Variants in NEK10 observed in about 807,000 individuals in gnomAD.
The protein encoded by NEK10 is NIMA related kinase 10.
NEK10 carries 122 observed loss-of-function variants against 159.8 expected under a neutral mutation model. The ratio of observed to expected loss-of-function variants is 0.76; its 90% CI spans 0.66 to 0.89. NEK10 has a LOEUF of 0.89. NEK10 is among the 40% of genes least tolerant of loss of function. The pLI, the probability that NEK10 is intolerant of heterozygous loss-of-function variation, is 0.00. For missense variants in NEK10, 1,342 were observed against 1,323.1 expected (o/e 1.01, Z -0.22); for synonymous variants, 466 against 457.1 (o/e 1.02, Z -0.25).
At chr3:27,325,665 C>T (rs1490721635) in intron 5 of NEK10, among the ~76,000 whole-genome samples, 2 of 152,196 alleles carry the variant, frequency 1.3e-5, no homozygotes, top group African/African-American at 4.8e-5. Context: ...AGCCACTCAC[C>T]ATTCCTTCCA....
At chr3:27,131,059 T>A (rs1942566894) in intron 32 of NEK10, among the ~76,000 whole-genome samples, 1 of 152,160 alleles carries the variant, frequency 6.6e-6, no homozygotes. Flanking sequence ...AAATAATGAG[T>A]AAGTTAATGC....
chr3:27,116,047 T>A, intron 34 of NEK10, 28 bp downstream of exon 34: 1 of 1,612,762 alleles, frequency 6.2e-7, no homozygotes, highest in Non-Finnish European at 8.5e-7. Flanking sequence ...CAAAATAAAA[T>A]CATTCAGAGA....
At position 27,320,021 on chromosome 3, in the gene NEK10, C is replaced by T. The variant is rs534240601; in HGVS notation, c.447+2156G>A. Among the ~76,000 whole-genome samples the T allele has an allele frequency of 2.0e-5, 3 of 152,306 alleles. No homozygotes were observed. The East Asian group carries it at 5.8e-4, about 29-fold the overall frequency. On this transcript the variant is annotated intron_variant, in intron 6 of 35. Coordinates refer to ENST00000691995, the MANE Select transcript of NEK10 (RefSeq NM_001394966.1). ...CAAGTTGTAGTAAACCCCAGCATAG[C>T]TTTGTGACTTCAGCCAACAATTCTT...
intron 26 of NEK10, among the ~76,000 whole-genome samples, chr3:27,184,339 G>A (rs967929724): frequency 6.6e-6 from 1 of 152,186 alleles, no homozygotes; most frequent in Admixed American, 6.5e-5. Flanking sequence ...ACATGTGTTT[G>A]ATTTAAATGA....
chr3:27,192,006 C>A, intron 26 of NEK10, 23 bp downstream of exon 26: 1 of 1,606,778 alleles, frequency 6.2e-7, no homozygotes, highest in African/African-American at 1.3e-5. Context: ...GCATCATGAA[C>A]CGATTGAAAT....
At chr3:27,333,411 T>G (rs2046567280) in intron 5 of NEK10, among the ~76,000 whole-genome samples, 1 of 151,974 alleles carries the variant, frequency 6.6e-6, no homozygotes, top group African/African-American at 2.4e-5. Context: ...CCCAGTGTGG[T>G]GGCAGGCACC....
At chr3:27,205,861 A>T (rs1296262163) in intron 23 of NEK10, among the ~76,000 whole-genome samples, 2 of 147,900 alleles carry the variant, frequency 1.4e-5, no homozygotes, top group East Asian at 2.0e-4. Context: ...GACAAATGGG[A>T]TCTAATTAAA....
chr3:27,172,459 G>A (rs1947098694), intron 28 of NEK10, among the ~76,000 whole-genome samples: 1 of 151,682 alleles, frequency 6.6e-6, no homozygotes, highest in Non-Finnish European at 1.5e-5. Context: ...CCAAAAGAAG[G>A]GAAGTTAGTA....
At chr3:27,112,079 C>T (rs2125396346) in intron 35 of NEK10, among the ~76,000 whole-genome samples, 1 of 152,290 alleles carries the variant, frequency 6.6e-6, no homozygotes. Context: ...GGTCAGAGGT[C>T]CTTGCTGCTC....
chr3:27,119,669 A>C (rs759618267), intron 33 of NEK10, 91 bp downstream of exon 33: 27 of 1,008,334 alleles, frequency 2.7e-5, no homozygotes, highest in Non-Finnish European at 4.1e-5. Flanking sequence ...CTATTTAAAA[A>C]AAAATTGGAG....
intron 22 of NEK10, among the ~76,000 whole-genome samples, chr3:27,282,790 T>A (rs1056997107): frequency 1.3e-5 from 2 of 150,296 alleles, no homozygotes; most frequent in African/African-American, 4.9e-5. Flanking sequence ...ACACACAATT[T>A]ATAATAATCC....
rs564767841 is a variant in NEK10 at position 27,174,704 on chromosome 3, C to T, written c.2635G>A (p.Ala879Thr). The T allele has an allele frequency of 6.2e-7, 1 of 1,613,484 alleles. No homozygotes were observed. Residue 879 changes from alanine (A) to threonine (T), a missense_variant, in exon 27 of 36, where the codon GCC (alanine) becomes ACC (threonine). Transcript: ENST00000691995. ...QASYGKDEDR[A>T]CDEILSDDNF... ...TCATCTGACAGGATTTCGTCACAGGCCCTGTCTTCGTCTTTACCATAGGAG... is the reference window on the plus strand; with the variant it reads ...TCATCTGACAGGATTTCGTCACAGGTCCTGTCTTCGTCTTTACCATAGGAG...
chr3:27,231,690 A>T (rs1006313287), intron 23 of NEK10, among the ~76,000 whole-genome samples: 1 of 151,986 alleles, frequency 6.6e-6, no homozygotes, highest in South Asian at 2.1e-4. Context: ...AGAAATAAAA[A>T]AGATCATTCA....
At chr3:27,311,525 C>G (rs1414739152) in intron 8 of NEK10, 1 of 158,858 alleles carries the variant, frequency 6.3e-6, no homozygotes, top group Non-Finnish European at 1.4e-5. Context: ...AAGAGCCAGT[C>G]CAGTCACACA....
chr3:27,351,473 T>C (rs971248280), intron 3 of NEK10, among the ~76,000 whole-genome samples: 3 of 152,196 alleles, frequency 2.0e-5, no homozygotes, highest in African/African-American at 4.8e-5. Context: ...GATTTCTTTG[T>C]GGCTGTTTCC....
At chr3:27,308,430 A>T (rs1375938186) in intron 10 of NEK10, among the ~76,000 whole-genome samples, 2 of 152,202 alleles carry the variant, frequency 1.3e-5, no homozygotes, top group East Asian at 3.8e-4. Context: ...TTGGGAGAAG[A>T]GATCAAAAAA....
intron 30 of NEK10, among the ~76,000 whole-genome samples, chr3:27,158,313 C>T (rs899706650): frequency 1.3e-5 from 2 of 151,986 alleles, no homozygotes; most frequent in African/African-American, 4.8e-5. Context: ...ATTAAAAATG[C>T]TATGCAACAT....
At chr3:27,213,693 A>G (rs981508442) in intron 23 of NEK10, among the ~76,000 whole-genome samples, 3 of 152,188 alleles carry the variant, frequency 2.0e-5, no homozygotes, top group Non-Finnish European at 4.4e-5. Context: ...CAGCATTAAC[A>G]TTACAACAGA....
At chr3:27,287,401 T>C (rs2042698699) in intron 20 of NEK10, among the ~76,000 whole-genome samples, 1 of 152,240 alleles carries the variant, frequency 6.6e-6, no homozygotes, top group African/African-American at 2.4e-5. Context: ...CCATTAGTTT[T>C]CTTTTTCCTT....
Sources: allele counts gnomAD v4.1 joint callset (sites outside exome capture counted in the v4.1 genomes callset), GRCh38; gene constraint gnomAD v4.1.1; transcripts MANE v1.5; gene names NCBI Gene and HGNC (gene_info 2026-07-23, HGNC 2026-07-21).